The following DTD1 variants were observed in gnomAD, a reference collection of about 807,000 sequenced individuals.
DTD1 encodes D-tyrosyl-tRNA deacylase 1 homolog.
DTD1 carries 13 observed loss-of-function variants against 25.6 expected under a neutral mutation model. The observed-to-expected ratio is 0.51, with a 90% confidence interval of 0.33 to 0.81. DTD1 has a LOEUF of 0.81. Among genes scored for constraint, DTD1 ranks in the 30% least tolerant of loss-of-function variants. DTD1 has a pLI of 0.02. For missense variants in DTD1, 193 were observed against 266.4 expected (o/e 0.72, Z 1.92); for synonymous variants, 110 against 103.6 (o/e 1.06, Z -0.37).
chr20:18,631,645 T>A, intron 4 of DTD1: 2 of 985,454 alleles, frequency 2.0e-6, no homozygotes, highest in Non-Finnish European at 1.2e-6. Context: ...AACACTTTTC[T>A]TGCCACTGCT....
At chr20:18,601,489 A>G (rs988388735) in intron 3 of DTD1, among the ~76,000 whole-genome samples, 11 of 121,468 alleles carry the variant, frequency 9.1e-5, no homozygotes, top group Non-Finnish European at 1.6e-4. Flanking sequence ...ACAGAGCGGG[A>G]CTCTGTCTCA....
At chr20:18,725,658 G>A (rs983263192) in intron 4 of DTD1, among the ~76,000 whole-genome samples, 7 of 152,020 alleles carry the variant, frequency 4.6e-5, no homozygotes, top group African/African-American at 7.3e-5. Flanking sequence ...TGAACTCTCC[G>A]AGGTGTTCCT....
intron 4 of DTD1, among the ~76,000 whole-genome samples, chr20:18,667,884 G>C (rs749086936): frequency 1.3e-5 from 2 of 152,120 alleles, no homozygotes; most frequent in Admixed American, 6.5e-5. Flanking sequence ...GAAGGCCCTC[G>C]TCAGATGCAT....
intron 4 of DTD1, among the ~76,000 whole-genome samples, chr20:18,736,179 G>A (rs1465315229): frequency 1.3e-5 from 2 of 152,130 alleles, no homozygotes; most frequent in Non-Finnish European, 1.5e-5. Flanking sequence ...GTAAACTTGG[G>A]TGTTCCTGAG....
intron 3 of DTD1, among the ~76,000 whole-genome samples, chr20:18,611,359 C>G (rs2060686066): frequency 6.6e-6 from 1 of 152,182 alleles, no homozygotes; most frequent in Non-Finnish European, 1.5e-5. Context: ...GCTTCCAGCT[C>G]CAGTATGAAA....
intron 4 of DTD1, among the ~76,000 whole-genome samples, chr20:18,689,845 A>C (rs558890176): frequency 5.9e-5 from 9 of 152,326 alleles, no homozygotes; most frequent in African/African-American, 1.9e-4. Flanking sequence ...CATAAGTTTA[A>C]ATTTAAGCCG....
chr20:18,670,019 C>T (rs1015669674), intron 4 of DTD1, among the ~76,000 whole-genome samples: 3 of 152,208 alleles, frequency 2.0e-5, no homozygotes, highest in African/African-American at 7.2e-5. Flanking sequence ...ACTCTGTCAC[C>T]TGCATGGCTG....
intron 4 of DTD1, among the ~76,000 whole-genome samples, chr20:18,636,621 G>A (rs1252857414): frequency 6.6e-6 from 1 of 152,200 alleles, no homozygotes; most frequent in East Asian, 1.9e-4. Flanking sequence ...GTTAGGATGG[G>A]TCAGTGGGGT....
intron 4 of DTD1, among the ~76,000 whole-genome samples, chr20:18,701,572 G>A (rs2061105020): frequency 1.3e-5 from 2 of 152,232 alleles, no homozygotes; most frequent in South Asian, 4.1e-4. Flanking sequence ...ACATCCCAGA[G>A]CCCTTGGTTC....
chr20:18,738,910 A>T (rs1181947251), intron 4 of DTD1, among the ~76,000 whole-genome samples: 9 of 152,246 alleles, frequency 5.9e-5, no homozygotes, highest in African/African-American at 2.2e-4. Flanking sequence ...CAGGTGACAC[A>T]TATGCACCCC....
chr20:18,628,082 A>G (rs762207029), intron 3 of DTD1, 45 bp from the exon 4 acceptor site: 15 of 1,529,530 alleles, frequency 9.8e-6, no homozygotes, highest in Non-Finnish European at 9.1e-6. Context: ...GGATGGAGTA[A>G]TCTGGTGTCT....
At chr20:18,655,097 C>T (rs1374029178) in intron 4 of DTD1, among the ~76,000 whole-genome samples, 2 of 152,130 alleles carry the variant, frequency 1.3e-5, no homozygotes, top group Non-Finnish European at 2.9e-5. Context: ...TATGATATAA[C>T]ACTTAAACTT....
intron 4 of DTD1, among the ~76,000 whole-genome samples, chr20:18,635,116 C>G (rs560782714): frequency 6.6e-6 from 1 of 152,090 alleles, no homozygotes; most frequent in African/African-American, 2.4e-5. Context: ...GAACCAAGCT[C>G]GAGTTGTTGA....
chr20:18,663,980 G>A (rs2060921643), intron 4 of DTD1, among the ~76,000 whole-genome samples: 1 of 152,162 alleles, frequency 6.6e-6, no homozygotes, highest in African/African-American at 2.4e-5. Context: ...GATGAGATTC[G>A]GGTGGGGACA....
intron 5 of DTD1, among the ~76,000 whole-genome samples, chr20:18,746,193 G>T (rs190357416): frequency 6.6e-6 from 1 of 152,128 alleles, no homozygotes; most frequent in Non-Finnish European, 1.5e-5. Context: ...TTAGAGCTGG[G>T]GAGCCAGGTC....
At chr20:18,650,994 G>A (rs2060871982) in intron 4 of DTD1, among the ~76,000 whole-genome samples, 1 of 152,202 alleles carries the variant, frequency 6.6e-6, no homozygotes, top group Non-Finnish European at 1.5e-5. Flanking sequence ...TGGCAGAGCA[G>A]GAGAGAAACC....
At chr20:18,622,624 A>G (rs1010258733) in intron 3 of DTD1, among the ~76,000 whole-genome samples, 1 of 152,204 alleles carries the variant, frequency 6.6e-6, no homozygotes, top group Non-Finnish European at 1.5e-5. Flanking sequence ...TTGTTAGTGT[A>G]GAATTTTTGC....
chr20:18,614,052 C>T (rs539120175), intron 3 of DTD1, among the ~76,000 whole-genome samples: 34 of 152,292 alleles, frequency 2.2e-4, no homozygotes, highest in Non-Finnish European at 4.0e-4. Context: ...GTGGTCTGCC[C>T]GCCTTGGCCT....
intron 4 of DTD1, among the ~76,000 whole-genome samples, chr20:18,653,638 A>T (rs751294920): frequency 6.6e-6 from 1 of 152,250 alleles, no homozygotes; most frequent in Non-Finnish European, 1.5e-5. Flanking sequence ...GTTAATTCAT[A>T]AACTTCTAAT....
Sources: allele counts gnomAD v4.1 joint callset (sites outside exome capture counted in the v4.1 genomes callset), GRCh38; gene constraint gnomAD v4.1.1; transcripts MANE v1.5; gene names NCBI Gene and HGNC (gene_info 2026-07-23, HGNC 2026-07-21).